SNX29: variants seen among roughly 807,000 people sequenced by gnomAD.
SNX29 encodes the protein sorting nexin-29.
SNX29 carries 78 observed loss-of-function variants against 102.1 expected under a neutral mutation model. The observed-to-expected ratio is 0.76, with a 90% CI of 0.64 to 0.92. The LOEUF is 0.92. SNX29 is among the 40% of genes least tolerant of loss of function. The pLI is 0.00. For missense variants in SNX29, 1,280 were observed against 1,061.7 expected (o/e 1.21, Z -2.86); for synonymous variants, 580 against 414.5 (o/e 1.40, Z -4.85).
At chr16:12,557,017 C>CA (rs1030746554) in intron 20 of SNX29, among the ~76,000 whole-genome samples, 2 of 111,056 alleles carry the variant, frequency 1.8e-5, no homozygotes, top group African/African-American at 3.4e-5. Flanking sequence ...GCTAATTTAC[C>CA]CCCCCCCCGC....
chr16:12,315,235 A>G (rs1325582282), intron 15 of SNX29, among the ~76,000 whole-genome samples: 4 of 152,174 alleles, frequency 2.6e-5, no homozygotes, highest in Admixed American at 1.3e-4. Context: ...AGAGTGATGC[A>G]GAAAATTATT....
intron 13 of SNX29, among the ~76,000 whole-genome samples, chr16:12,179,991 TCA>T (rs1198260165): frequency 6.6e-6 from 1 of 152,222 alleles, no homozygotes; most frequent in Non-Finnish European, 1.5e-5. Context: ...GCATGTTCTT[TCA>T]GTCTCTTTCA....
At chr16:12,550,559 A>G (rs535642089) in intron 20 of SNX29, among the ~76,000 whole-genome samples, 26 of 151,980 alleles carry the variant, frequency 1.7e-4, no homozygotes, top group Non-Finnish European at 3.5e-4. Context: ...CAAACACCAA[A>G]TATGAGGATA....
At chr16:12,552,982 C>G (rs979682724) in intron 20 of SNX29, among the ~76,000 whole-genome samples, 2 of 152,236 alleles carry the variant, frequency 1.3e-5, no homozygotes, top group African/African-American at 4.8e-5. Context: ...GCAGCAGGCA[C>G]TGTCTGAGGG....
intron 18 of SNX29, among the ~76,000 whole-genome samples, chr16:12,408,050 G>T (rs2084238292): frequency 6.6e-6 from 1 of 152,084 alleles, no homozygotes; most frequent in African/African-American, 2.4e-5. Context: ...CCCAGCTACT[G>T]GGGAGGCTGA....
chr16:11,979,982 TC>T (rs2055379682), intron 1 of SNX29, among the ~76,000 whole-genome samples: 3 of 152,220 alleles, frequency 2.0e-5, no homozygotes, highest in Admixed American at 6.6e-5. Flanking sequence ...AAACTCAGAA[TC>T]TAAGTAAGGT....
chr16:12,565,396 C>T (rs1203110548), intron 20 of SNX29, among the ~76,000 whole-genome samples: 1 of 151,972 alleles, frequency 6.6e-6, no homozygotes, highest in African/African-American at 2.4e-5. Context: ...AGGTGTCATC[C>T]ACTCAACTTG....
intron 20 of SNX29, among the ~76,000 whole-genome samples, chr16:12,550,723 C>G (rs1258155231): frequency 6.6e-6 from 1 of 152,230 alleles, no homozygotes; most frequent in African/African-American, 2.4e-5. Context: ...TTCTACACTC[C>G]TGTGTTGCCT....
At chr16:12,369,421 C>T (rs2082602540) in intron 16 of SNX29, among the ~76,000 whole-genome samples, 1 of 152,150 alleles carries the variant, frequency 6.6e-6, no homozygotes, top group African/African-American at 2.4e-5. Context: ...CAGGCGTGAG[C>T]CACCGTGCCC....
chr16:12,535,255 C>T (rs372009623), intron 20 of SNX29, among the ~76,000 whole-genome samples: 3 of 152,198 alleles, frequency 2.0e-5, no homozygotes, highest in Non-Finnish European at 4.4e-5. Flanking sequence ...TTTTGTGCTT[C>T]AGCCTCCCAA....
At chr16:12,280,825 G>A (rs893130438) in intron 15 of SNX29, among the ~76,000 whole-genome samples, 2 of 152,204 alleles carry the variant, frequency 1.3e-5, no homozygotes, top group Non-Finnish European at 2.9e-5. Flanking sequence ...AGACTTGTTA[G>A]AGTAATGAAC....
intron 20 of SNX29, among the ~76,000 whole-genome samples, chr16:12,532,574 TCAC>T (rs2141182518): frequency 6.6e-6 from 1 of 152,376 alleles, no homozygotes; most frequent in Admixed American, 6.5e-5. Flanking sequence ...AATTCTGACT[TCAC>T]CATCTGAAAT....
chr16:12,207,224 C>T (rs2077066948), intron 14 of SNX29, among the ~76,000 whole-genome samples: 1 of 152,084 alleles, frequency 6.6e-6, no homozygotes, highest in African/African-American at 2.4e-5. Context: ...CAAAAATTAG[C>T]TAGGTGTGGT....
At chr16:12,065,148 T>C (rs900324104) in intron 9 of SNX29, among the ~76,000 whole-genome samples, 2 of 152,166 alleles carry the variant, frequency 1.3e-5, no homozygotes, top group African/African-American at 4.8e-5. Context: ...GGAGGAGTTT[T>C]GGAGTTGCTT....
intron 13 of SNX29, among the ~76,000 whole-genome samples, chr16:12,172,274 A>C (rs745950467): frequency 1.3e-5 from 2 of 152,182 alleles, no homozygotes; most frequent in Non-Finnish European, 2.9e-5. Flanking sequence ...GAAGAAAAAG[A>C]AGGGAGGAGG....
intron 13 of SNX29, among the ~76,000 whole-genome samples, chr16:12,134,550 C>T (rs2054591056): frequency 6.6e-6 from 1 of 152,224 alleles, no homozygotes; most frequent in Non-Finnish European, 1.5e-5. Context: ...CAGTAGCTGA[C>T]TTCCCAGGGT....
intron 19 of SNX29, among the ~76,000 whole-genome samples, chr16:12,522,775 G>A (rs1311089068): frequency 6.6e-6 from 1 of 152,150 alleles, no homozygotes; most frequent in Non-Finnish European, 1.5e-5. Context: ...CCTCTTTTCT[G>A]TATAAATTAC....
chr16:12,463,418 A>C (rs1410560665), intron 18 of SNX29, among the ~76,000 whole-genome samples: 1 of 152,242 alleles, frequency 6.6e-6, no homozygotes, highest in Admixed American at 6.5e-5. Context: ...TCATGGTTGA[A>C]GGCAAGGAGG....
rs186439892 is a variant in SNX29, at chr16:12,218,975, T to C, written c.1678+19292T>C. Among the ~76,000 whole-genome samples the C allele has an allele frequency of 1.5e-3, 228 of 152,112 alleles. 1 individual carries two copies. Among genetic ancestry groups the C allele is most frequent in the South Asian group, 5.4e-3 (26 of 4,814 alleles). ...ATTTTTAGTAGAGACGGGGTTTCAC[T>C]GTGTTAGCCAGGTTGGTCTCGATCT... On this transcript the variant is annotated intron_variant, in intron 14 of 20. Coordinates refer to ENST00000566228, the MANE Select transcript of SNX29 (RefSeq NM_032167.5).
Sources: gnomAD v4.1 joint callset for allele counts (sites outside exome capture counted in the v4.1 genomes callset) on GRCh38, gnomAD v4.1.1 for gene constraint, MANE v1.5 for transcripts, NCBI Gene and HGNC (gene_info 2026-07-23, HGNC 2026-07-21) for gene names.